Variants in ZFYVE9 observed in about 807,000 individuals in gnomAD.
The protein encoded by ZFYVE9 is zinc finger FYVE domain-containing protein 9.
ZFYVE9 carries 43 observed loss-of-function variants against 126.7 expected under a neutral mutation model. The ratio of observed to expected loss-of-function variants is 0.34; its 90% CI spans 0.27 to 0.44. ZFYVE9 has a LOEUF of 0.44. Among genes scored for constraint, ZFYVE9 ranks in the 20% least tolerant of loss-of-function variants. ZFYVE9 has a pLI of 1.00. For missense variants in ZFYVE9, 1,476 were observed against 1,697.0 expected (o/e 0.87, Z 2.29); for synonymous variants, 521 against 597.4 (o/e 0.87, Z 1.87).
At chr1:52,277,528 A>G (rs948781469) in intron 8 of ZFYVE9, among the ~76,000 whole-genome samples, 3 of 152,084 alleles carry the variant, frequency 2.0e-5, no homozygotes, top group African/African-American at 7.2e-5. Flanking sequence ...TAAACTCAGG[A>G]TTTCTCTTTC....
rs557143492 is a variant in ZFYVE9 at position 52,238,463 on chromosome 1, C to A, written c.1046C>A (p.Ser349Tyr). 6.2e-7 allele frequency: 1 copy of A among 1,614,100 alleles called. No homozygotes were observed. The highest frequency in any genetic ancestry group is 1.3e-5 in the African/African-American group (1 of 75,032). ...CTCAAACCAGACATGCCTAATGGGT[C>A]TGGAAGGAATAATGACTGTGAACGG... The part of the protein sequence containing the change: ...LLLKPDMPNG[S>Y]GRNNDCERCS... Residue 349 changes from serine to tyrosine, a missense_variant, in exon 4 of 19, where the codon TCT becomes TAT. Physicochemically the swap from Ser to Tyr is moderately radical, Grantham distance 144. Transcript: ENST00000287727.
At chr1:52,281,385 G>A (rs1240516388) in intron 9 of ZFYVE9, among the ~76,000 whole-genome samples, 4 of 152,012 alleles carry the variant, frequency 2.6e-5, no homozygotes, top group East Asian at 3.9e-4. Context: ...CACCCGCCTC[G>A]GCCTCCCAAA....
At chr1:52,249,120 C>T (rs988124384) in intron 4 of ZFYVE9, among the ~76,000 whole-genome samples, 6 of 152,164 alleles carry the variant, frequency 3.9e-5, no homozygotes, top group African/African-American at 9.7e-5. Context: ...TGTTCCACCA[C>T]GGTAAGATGT....
In ZFYVE9 at chr1:52,238,156, A is replaced by C; in HGVS notation, c.739A>C (p.Lys247Gln). 2 of 1,614,084 alleles carry C rather than the reference A, an allele frequency of 1.2e-6. No individual in the cohort carries two copies. Among genetic ancestry groups the C allele is most frequent in the Non-Finnish European group, 1.7e-6 (2 of 1,179,962 alleles). Residue 247 changes from lysine (K) to glutamine (Q), a missense_variant, in exon 4 of 19, where the codon AAG becomes CAG. This residue lies in a region of ZFYVE9 where 807 missense variants were observed against 794.6 expected (regional missense o/e 1.02). Coordinates refer to ENST00000287727, the MANE Select transcript of ZFYVE9 (RefSeq NM_004799.4). ...CAGTGTCTGTTCCCCTTCACAATTA[A>C]AGGATGACGGAAGTATAGGTAGAGA... is the stretch of plus-strand genomic sequence containing the variant. ...LASVCSPSQL[K>Q]DDGSIGRDPS...
intron 1 of ZFYVE9, among the ~76,000 whole-genome samples, chr1:52,194,993 TATA>T (rs1644847367): frequency 6.6e-6 from 1 of 152,148 alleles, no homozygotes; most frequent in Non-Finnish European, 1.5e-5. Context: ...ATGAATATAT[TATA>T]ATAATATATA....
intron 1 of ZFYVE9, among the ~76,000 whole-genome samples, chr1:52,180,831 C>T (rs551841984): frequency 1.8e-4 from 28 of 151,944 alleles, no homozygotes; most frequent in East Asian, 1.9e-4. Flanking sequence ...CAAAAATAGC[C>T]GGGCGTGGTG....
intron 1 of ZFYVE9, among the ~76,000 whole-genome samples, chr1:52,169,421 A>T (rs1644543897): frequency 6.6e-6 from 1 of 152,136 alleles, no homozygotes. Flanking sequence ...ATAAATTTAT[A>T]ACCCTCAAAT....
intron 10 of ZFYVE9, among the ~76,000 whole-genome samples, 180 bp downstream of exon 10, chr1:52,281,996 T>C (rs925729009): frequency 6.6e-6 from 1 of 152,200 alleles, no homozygotes; most frequent in African/African-American, 2.4e-5. Flanking sequence ...GTACCTGGTA[T>C]AGTTTTTATT....
intron 16 of ZFYVE9, 88 bp from the exon 17 acceptor site, chr1:52,340,038 A>G: frequency 1.9e-6 from 2 of 1,026,086 alleles, no homozygotes; most frequent in Non-Finnish European, 3.1e-6. Flanking sequence ...TGTAATTAGC[A>G]GGAAGACTTC....
At chr1:52,281,454 T>C (rs1645804950) in intron 9 of ZFYVE9, among the ~76,000 whole-genome samples, 1 of 152,188 alleles carries the variant, frequency 6.6e-6, no homozygotes, top group African/African-American at 2.4e-5. Context: ...TCCAAGTGTT[T>C]AGAAAAGAGC....
intron 10 of ZFYVE9, among the ~76,000 whole-genome samples, chr1:52,287,786 G>T (rs1418535717): frequency 6.6e-6 from 1 of 151,948 alleles, no homozygotes; most frequent in African/African-American, 2.4e-5. Flanking sequence ...GAGTCCTTGA[G>T]CCCAGGAGTT....
chr1:52,274,078 C>T (rs1407509009), intron 7 of ZFYVE9, among the ~76,000 whole-genome samples: 2 of 151,906 alleles, frequency 1.3e-5, no homozygotes, highest in African/African-American at 4.8e-5. Context: ...TAAGTAGTTC[C>T]CAAGGTATTA....
chr1:52,178,388 G>A (rs1644661688), intron 1 of ZFYVE9, among the ~76,000 whole-genome samples: 1 of 149,516 alleles, frequency 6.7e-6, no homozygotes, highest in South Asian at 2.1e-4. Context: ...CAGGAGTGCA[G>A]TGGCACGATC....
In ZFYVE9 at chr1:52,346,314, T is replaced by G; in HGVS notation, c.*93T>G. ...CTTTAAAACTGGAAGATTAAGCTTT[T>G]GTTAACACTATTAATGGGGTGGGGA... On this transcript the variant is annotated 3_prime_UTR_variant, in exon 19 of 19. Transcript: ENST00000287727. 1 of 1,328,414 alleles carries G rather than the reference T, an allele frequency of 7.5e-7. No homozygotes were observed. Among genetic ancestry groups the G allele is most frequent in the Non-Finnish European group, 1.0e-6 (1 of 989,958 alleles). 82.3% of individuals were successfully genotyped at this position (1,328,414 alleles called of 1,614,324 possible).
intron 10 of ZFYVE9, among the ~76,000 whole-genome samples, chr1:52,285,068 C>T (rs1645844722): frequency 6.6e-6 from 1 of 151,932 alleles, no homozygotes; most frequent in Non-Finnish European, 1.5e-5. Context: ...AAAATCAGAC[C>T]TAGAAGTGTT....
chr1:52,277,960 A>T (rs1432318759), intron 8 of ZFYVE9, among the ~76,000 whole-genome samples: 1 of 152,218 alleles, frequency 6.6e-6, no homozygotes, highest in East Asian at 1.9e-4. Flanking sequence ...GAAGCCAGTC[A>T]CACACAATAC....
rs1396357069 is a variant in ZFYVE9, at chr1:52,179,868, C to G, written c.-142-36501C>G. 6 of 746,198 alleles carry G rather than the reference C, an allele frequency of 8.0e-6. No individual in the cohort carries two copies. The East Asian group carries it at 8.4e-5, about 10-fold the overall frequency. 46.2% of individuals were successfully genotyped at this position (746,198 alleles called of 1,614,324 possible). ...AAGATGCAGGACCCCAACGCAGACACTGAATGGAGTGACATCTTACACAAA... is the reference window on the plus strand; with the variant it reads ...AAGATGCAGGACCCCAACGCAGACAGTGAATGGAGTGACATCTTACACAAA... On this transcript the variant is annotated intron_variant, in intron 1 of 18. Transcript: ENST00000287727.
At chr1:52,262,422 A>G (rs1645588453) in intron 4 of ZFYVE9, among the ~76,000 whole-genome samples, 1 of 152,212 alleles carries the variant, frequency 6.6e-6, no homozygotes, top group African/African-American at 2.4e-5. Flanking sequence ...GAACTTGAGG[A>G]AGTCATTTAA....
chr1:52,172,573 T>G (rs1163566035), intron 1 of ZFYVE9, among the ~76,000 whole-genome samples: 1 of 152,200 alleles, frequency 6.6e-6, no homozygotes, highest in East Asian at 1.9e-4. Flanking sequence ...TGGCATTGAA[T>G]CTATAAATTA....
Sources: gnomAD v4.1 joint callset for allele counts (sites outside exome capture counted in the v4.1 genomes callset) on GRCh38, gnomAD v4.1.1 for gene constraint, gnomAD v4.1.1 regional missense constraint, MANE v1.5 for transcripts, NCBI Gene and HGNC (gene_info 2026-07-23, HGNC 2026-07-21) for gene names.